GRHL2: variants seen among roughly 807,000 people sequenced by gnomAD.
GRHL2 encodes the protein grainyhead-like protein 2 homolog.
A neutral mutation model predicts 83.8 loss-of-function variants in GRHL2; 21 were observed. The ratio of observed to expected loss-of-function variants is 0.25; its 90% CI spans 0.18 to 0.36. The LOEUF is 0.36. Ranked by LOEUF, GRHL2 falls within the 10% of genes least tolerant of loss-of-function variation. The pLI is 1.00. For synonymous variants in GRHL2, 280 were observed against 278.9 expected, an observed-to-expected ratio of 1.00 and a Z score of -0.04; for missense variants, 623 against 781.8, an observed-to-expected ratio of 0.80 and a Z score of 2.42.
chr8:101,573,821 C>T lies in GRHL2; in HGVS notation c.888C>T (p.Val296=), dbSNP rs1811877255. The stretch of plus-strand genomic sequence containing the variant: ...GCTTCCGACACCCCATCAGCAAAGT[C>T]AGGGTAGGGGCCACATTTCTCAGAT... ...NKCFRHPISK[V]RSVVMVVFSE... Residue 296 remains valine, a synonymous_variant, in exon 6 of 16, where the codon GTC becomes GTT. Coordinates refer to ENST00000646743, the MANE Select transcript of GRHL2 (RefSeq NM_024915.4). The T allele has an allele frequency of 6.2e-7, 1 of 1,614,150 alleles. No homozygotes were observed.
intron 1 of GRHL2, among the ~76,000 whole-genome samples, chr8:101,495,729 A>G (rs1280264975): frequency 5.9e-5 from 9 of 152,360 alleles, no homozygotes; most frequent in Non-Finnish European, 1.2e-4. Flanking sequence ...GAAGATGGAT[A>G]AGATGAGCCC....
chr8:101,538,062 G>C (rs964281017), intron 1 of GRHL2, among the ~76,000 whole-genome samples: 3 of 152,186 alleles, frequency 2.0e-5, no homozygotes, highest in Non-Finnish European at 4.4e-5. Context: ...GTTTAGAACG[G>C]GGTTTCCCAT....
In GRHL2 at chr8:101,668,266, T is replaced by G. The variant is rs1046667485; in HGVS notation, c.*1563T>G. On this transcript the variant is annotated 3_prime_UTR_variant, in exon 16 of 16. Transcript: ENST00000646743. ...ACTAGCTTTTTGGTAGCTAGACACA[T>G]CCTGCACCCAAAGGTTCTCTACAAA... The G allele has an allele frequency of 7.0e-5, 10 of 143,040 alleles. No individual in the cohort carries two copies. The highest frequency in any genetic ancestry group is 1.8e-4 in the African/African-American group (7 of 38,248). The allele number at this position is 143,040 out of a possible 1,614,324, so 8.9% of individuals were successfully genotyped here.
rs141699759 is a variant in GRHL2, at chr8:101,492,563, C to G, written c.-207C>G. On this transcript the variant is annotated 5_prime_UTR_variant, in exon 1 of 16. Coordinates refer to ENST00000646743, the MANE Select transcript of GRHL2 (RefSeq NM_024915.4). ...GCTCGGGCCCCATGTGAGGGGCCCC[C>G]CCTTATCCCACCTTTCCGGCTAGGT... The G allele has an allele frequency of 1.0e-5, 7 of 669,284 alleles. No homozygotes were observed. The highest frequency in any genetic ancestry group is 1.8e-5 in the African/African-American group (1 of 56,116). 41.5% of individuals were successfully genotyped at this position (669,284 alleles called of 1,614,324 possible).
chr8:101,636,400 C>T (rs766156567), intron 11 of GRHL2, among the ~76,000 whole-genome samples: 5 of 152,096 alleles, frequency 3.3e-5, no homozygotes, highest in Non-Finnish European at 5.9e-5. Context: ...AGTAAGTAGA[C>T]AGGCCTAGTT....
chr8:101,525,512 T>C (rs894693323), intron 1 of GRHL2, among the ~76,000 whole-genome samples: 9 of 152,188 alleles, frequency 5.9e-5, no homozygotes, highest in Admixed American at 1.3e-4. Context: ...TTCATTATTA[T>C]GCTTTTTAAC....
intron 12 of GRHL2, among the ~76,000 whole-genome samples, chr8:101,642,030 G>A (rs547941626): frequency 6.6e-6 from 1 of 152,276 alleles, no homozygotes; most frequent in South Asian, 2.1e-4. Context: ...TTTTTTTATT[G>A]TGGTTGGTTG....
At chr8:101,555,499 G>A (rs991316383) in intron 3 of GRHL2, among the ~76,000 whole-genome samples, 1 of 152,006 alleles carries the variant, frequency 6.6e-6, no homozygotes, top group African/African-American at 2.4e-5. Flanking sequence ...GTGTATGTGA[G>A]GAATATCTAT....
At chr8:101,624,125 T>C (rs1813026647) in intron 9 of GRHL2, among the ~76,000 whole-genome samples, 1 of 149,106 alleles carries the variant, frequency 6.7e-6, no homozygotes, top group Admixed American at 6.7e-5. Flanking sequence ...AGTAGGACAG[T>C]ACACAGTAGG....
intron 8 of GRHL2, among the ~76,000 whole-genome samples, chr8:101,618,683 T>G (rs1334263443): frequency 6.6e-6 from 1 of 152,028 alleles, no homozygotes; most frequent in Non-Finnish European, 1.5e-5. Context: ...TCATCTAATG[T>G]TTATTGAGTG....
At position 101,537,991 on chromosome 8, in the gene GRHL2, A is replaced by G. The variant is rs192221326; in HGVS notation, c.21-5250A>G. 3.3e-5 allele frequency among the ~76,000 whole-genome samples: 5 copies of G among 152,216 alleles called. No individual in the cohort carries two copies. In the East Asian group the frequency reaches 9.6e-4, roughly 29 times the overall value. On this transcript the variant is annotated intron_variant, in intron 1 of 15. Coordinates refer to ENST00000646743, the MANE Select transcript of GRHL2 (RefSeq NM_024915.4). ...CTAGGGCTGATTTTCAACAGATCAC[A>G]GTGAGGGAGCTGCCCTGTTACATAA...
chr8:101,615,519 G>A lies in GRHL2; in HGVS notation c.1099-4020G>A, dbSNP rs369347607. ...AGGGAGTGGAAAATAACCAGTCTGCGTTAAGACTCCTGTGATTATGGCCAC... is the reference window on the plus strand; with the variant it reads ...AGGGAGTGGAAAATAACCAGTCTGCATTAAGACTCCTGTGATTATGGCCAC... On this transcript the variant is annotated intron_variant, in intron 8 of 15. Coordinates refer to ENST00000646743, the MANE Select transcript of GRHL2 (RefSeq NM_024915.4). Among the ~76,000 whole-genome samples, 25 of 152,282 alleles carry A rather than the reference G, an allele frequency of 1.6e-4. No individual in the cohort carries two copies. The East Asian group carries it at 2.9e-3, about 18-fold the overall frequency.
At chr8:101,647,446 C>T (rs943573245) in intron 13 of GRHL2, among the ~76,000 whole-genome samples, 1 of 152,124 alleles carries the variant, frequency 6.6e-6, no homozygotes, top group Non-Finnish European at 1.5e-5. Flanking sequence ...GAATTGTAGA[C>T]TATTTATCTG....
At chr8:101,504,950 A>G (rs1258364754) in intron 1 of GRHL2, among the ~76,000 whole-genome samples, 1 of 150,942 alleles carries the variant, frequency 6.6e-6, no homozygotes, top group Admixed American at 6.6e-5. Flanking sequence ...TCCCAGAGTC[A>G]CTGAAGTTGC....
intron 9 of GRHL2, among the ~76,000 whole-genome samples, chr8:101,626,813 C>T (rs1241865598): frequency 6.6e-6 from 1 of 151,988 alleles, no homozygotes; most frequent in African/African-American, 2.4e-5. Context: ...AGTCTGAGGT[C>T]ACAAAGAATC....
intron 14 of GRHL2, among the ~76,000 whole-genome samples, chr8:101,661,100 T>C (rs1356554195): frequency 6.6e-6 from 1 of 152,176 alleles, no homozygotes; most frequent in African/African-American, 2.4e-5. Context: ...CCAACACAAA[T>C]TCGTAAACTT....
Position 101,667,360 on chromosome 8 carries a change from A to AATAAT in GRHL2, c.*661_*665dup, listed in dbSNP as rs1814094013. 1 of 154,854 alleles carries AATAAT rather than the reference A, an allele frequency of 6.5e-6. No homozygotes were observed. The highest frequency in any genetic ancestry group is 2.4e-5 in the African/African-American group (1 of 41,484). 9.6% of individuals were successfully genotyped at this position (154,854 alleles called of 1,614,324 possible). ...TTGTACATAGTGTTTATAATATTGTAATAATATATTTTACCTGTGGTATGT... is the reference window on the plus strand; with the variant it reads ...TTGTACATAGTGTTTATAATATTGTAATAATATAATATATTTTACCTGTGGTATGT... On this transcript the variant is annotated 3_prime_UTR_variant, in exon 16 of 16. Coordinates refer to ENST00000646743, the MANE Select transcript of GRHL2 (RefSeq NM_024915.4).
At chr8:101,671,153 G>A (rs1183851661), downstream of GRHL2, among the ~76,000 whole-genome samples, 1 of 152,190 alleles carries the variant, frequency 6.6e-6, no homozygotes, top group African/African-American at 2.4e-5. Context: ...ATCTCACTAG[G>A]GAGTGCCAGA....
chr8:101,607,309 A>G (rs1028665388), intron 8 of GRHL2, among the ~76,000 whole-genome samples: 3 of 152,238 alleles, frequency 2.0e-5, no homozygotes, highest in Non-Finnish European at 4.4e-5. Flanking sequence ...AGGAGAAGGG[A>G]AGATGTGTAA....
Sources: gnomAD v4.1 joint callset for allele counts (sites outside exome capture counted in the v4.1 genomes callset) on GRCh38, gnomAD v4.1.1 for gene constraint, MANE v1.5 for transcripts, NCBI Gene and HGNC (gene_info 2026-07-23, HGNC 2026-07-21) for gene names.